The following DLC1 variants were observed in gnomAD, a reference collection of about 807,000 sequenced individuals.
The protein encoded by DLC1 is rho GTPase-activating protein 7.
DLC1 carries 54 observed loss-of-function variants against 140.3 expected under a neutral mutation model. The ratio of observed to expected loss-of-function variants is 0.38; its 90% CI spans 0.31 to 0.48. The LOEUF (loss-of-function observed/expected upper bound fraction) is 0.48, where lower values mean the gene tolerates loss of function less well. Among genes scored for constraint, DLC1 ranks in the 20% least tolerant of loss-of-function variants. The probability of loss-of-function intolerance (pLI) is 0.96; values close to 1 mark genes in which losing one functional copy is unlikely to be tolerated. For missense variants in DLC1, 2,536 were observed against 1,907.0 expected (o/e 1.33, Z -6.14); for synonymous variants, 986 against 728.1 (o/e 1.35, Z -5.70).
intron 1 of DLC1, among the ~76,000 whole-genome samples, chr8:13,563,660 C>A (rs1804325474): frequency 1.3e-5 from 2 of 151,966 alleles, no homozygotes; most frequent in Non-Finnish European, 2.9e-5. Context: ...AAACAGATCT[C>A]AAAAGCATTA....
chr8:13,585,726 T>C (rs1435875105), intron 1 of DLC1, among the ~76,000 whole-genome samples: 1 of 152,188 alleles, frequency 6.6e-6, no homozygotes, highest in Non-Finnish European at 1.5e-5. Flanking sequence ...CCTTGGCTTG[T>C]AGGAACATCA....
At chr8:13,145,461 A>T (rs1055104190) in intron 5 of DLC1, among the ~76,000 whole-genome samples, 4 of 152,128 alleles carry the variant, frequency 2.6e-5, no homozygotes, top group African/African-American at 7.3e-5. Context: ...ACTTCTTAAG[A>T]AAAATTTTAC....
chr8:13,459,290 C>G (rs1490456492), intron 2 of DLC1, among the ~76,000 whole-genome samples: 2 of 151,994 alleles, frequency 1.3e-5, no homozygotes, highest in Admixed American at 6.6e-5. Flanking sequence ...TTCTCTTTCT[C>G]TGGGACAGGA....
chr8:13,425,468 A>G (rs900688993), intron 2 of DLC1, among the ~76,000 whole-genome samples: 7 of 152,202 alleles, frequency 4.6e-5, no homozygotes, highest in African/African-American at 7.2e-5. Flanking sequence ...ACTGTCTGAC[A>G]TCTTCAAGAC....
intron 2 of DLC1, among the ~76,000 whole-genome samples, chr8:13,448,855 ATGTATTATACACTAGCAGATTTCACAGC>A (rs1798918128): frequency 1.2e-5 from 1 of 86,330 alleles, no homozygotes; most frequent in Non-Finnish European, 3.4e-5. Context: ...GATTTCACAG[ATGTATTATACACTAGCAGATTTCACAGC>A]AAGGAAACAC....
At chr8:13,300,754 C>A (rs1263927408) in intron 5 of DLC1, among the ~76,000 whole-genome samples, 1 of 152,160 alleles carries the variant, frequency 6.6e-6, no homozygotes, top group Admixed American at 6.5e-5. Flanking sequence ...CCAGCCAGGA[C>A]AGTTTAATTT....
At chr8:13,472,429 T>C (rs2117076381) in intron 2 of DLC1, among the ~76,000 whole-genome samples, 1 of 152,380 alleles carries the variant, frequency 6.6e-6, no homozygotes, top group African/African-American at 2.4e-5. Context: ...TATAACTTAC[T>C]CCAAACTGTT....
At chr8:13,133,025 C>G (rs759527297) in intron 5 of DLC1, 1 of 1,592,848 alleles carries the variant, frequency 6.3e-7, no homozygotes, top group African/African-American at 1.3e-5. Context: ...GAAGTCGAGG[C>G]AGGCGGAGGC....
At chr8:13,309,658 A>G (rs1190488667) in intron 4 of DLC1, among the ~76,000 whole-genome samples, 1 of 152,186 alleles carries the variant, frequency 6.6e-6, no homozygotes, top group East Asian at 1.9e-4. Context: ...CCACATGGAA[A>G]TGTTCTAAAC....
At chr8:13,271,406 A>T (rs939043686) in intron 5 of DLC1, among the ~76,000 whole-genome samples, 1 of 152,196 alleles carries the variant, frequency 6.6e-6, no homozygotes, top group Non-Finnish European at 1.5e-5. Flanking sequence ...CCAATGCCCC[A>T]CTGAAGTGAG....
At chr8:13,225,375 G>T (rs915032983) in intron 5 of DLC1, among the ~76,000 whole-genome samples, 3 of 152,076 alleles carry the variant, frequency 2.0e-5, no homozygotes, top group African/African-American at 7.2e-5. Context: ...GAGTGGATGT[G>T]AACAACCGGT....
intron 4 of DLC1, among the ~76,000 whole-genome samples, chr8:13,310,112 A>G (rs1271575813): frequency 1.3e-5 from 2 of 152,210 alleles, no homozygotes; most frequent in Middle Eastern, 3.2e-3. Flanking sequence ...ACTGGCAGCT[A>G]TGATACTATG....
At chr8:13,304,689 A>G (rs1020840779) in intron 5 of DLC1, 6 of 956,654 alleles carry the variant, frequency 6.3e-6, no homozygotes, top group Non-Finnish European at 6.2e-6. Context: ...TTAAAAACAC[A>G]TAGATCTACC....
At position 13,100,725 on chromosome 8, in the gene DLC1, A is replaced by G. The variant is rs1819000633; in HGVS notation, c.1612T>C (p.Trp538Arg). The change falls in exon 9 of 18, where the codon TGG (tryptophan) becomes CGG (arginine). Residue 538 changes from tryptophan (W) to arginine (R), a missense_variant. By Grantham distance (101) the Trp-to-Arg change is moderately radical. Transcript: ENST00000276297. ...EDEPCAISGK[W>R]TFQRDSKRWS... is the part of the protein sequence containing the mutation. ...CTCTTGCTGTCCCTTTGGAAAGTCC[A>G]TTTGCCACTGATGGCACAAGGCTCA... The G allele has an allele frequency of 6.2e-7, 1 of 1,602,702 alleles. No homozygotes were observed. Among genetic ancestry groups the G allele is most frequent in the South Asian group, 1.1e-5 (1 of 89,256 alleles).
chr8:13,129,917 T>G (rs568490326), intron 5 of DLC1, among the ~76,000 whole-genome samples: 19 of 152,320 alleles, frequency 1.2e-4, no homozygotes, highest in African/African-American at 4.3e-4. Context: ...TCAGGGTCTT[T>G]TATTTTTGCA....
At chr8:13,508,486 G>A (rs898739796) in intron 1 of DLC1, among the ~76,000 whole-genome samples, 10 of 149,682 alleles carry the variant, frequency 6.7e-5, no homozygotes, top group Non-Finnish European at 1.2e-4. Context: ...GGCGCGATCT[G>A]GGCTCACTGC....
intron 1 of DLC1, among the ~76,000 whole-genome samples, chr8:13,603,046 G>C (rs1189157238): frequency 6.6e-6 from 1 of 151,808 alleles, no homozygotes; most frequent in African/African-American, 2.4e-5. Flanking sequence ...CCCAACTGTT[G>C]ATATGACAAA....
intron 1 of DLC1, among the ~76,000 whole-genome samples, chr8:13,603,703 A>G (rs891178200): frequency 6.6e-6 from 1 of 152,084 alleles, no homozygotes; most frequent in Non-Finnish European, 1.5e-5. Context: ...TAAATTAAAG[A>G]TGACTGTGCA....
At position 13,099,490 on chromosome 8, in the gene DLC1, C is replaced by T; in HGVS notation, c.2847G>A (p.Gln949=). The T allele has an allele frequency of 6.2e-7, 1 of 1,614,064 alleles. No homozygotes were observed. The highest frequency in any genetic ancestry group is 8.5e-7 in the Non-Finnish European group (1 of 1,180,022). The change falls in exon 9 of 18, where the codon CAG becomes CAA. Residue 949 remains glutamine, a synonymous_variant. Transcript: ENST00000276297. ...GGTCGTTGTCCACATCCAGGTGTAT[C>T]TGTTTTGGAGAGGACGGGCAGGGAG... is the stretch of plus-strand genomic sequence containing the variant. ...SVSPCPSSPK[Q]IHLDVDNDRT... is the part of the protein sequence containing the mutation.
Sources: allele counts gnomAD v4.1 joint callset (sites outside exome capture counted in the v4.1 genomes callset), GRCh38; gene constraint gnomAD v4.1.1; transcripts MANE v1.5; gene names NCBI Gene and HGNC (gene_info 2026-07-23, HGNC 2026-07-21).